The following MGAT4C variants were observed in gnomAD, a reference collection of about 807,000 sequenced individuals.
MGAT4C encodes the protein alpha-1,3-mannosyl-glycoprotein 4-beta-N-acetylglucosaminyltransferase C.
In MGAT4C, 19 loss-of-function variants were observed where a neutral mutation model predicts 40.1. The observed-to-expected ratio is 0.47, with a 90% CI of 0.33 to 0.70. The LOEUF (loss-of-function observed/expected upper bound fraction) is 0.70, where lower values mean the gene tolerates loss of function less well. Among genes scored for constraint, MGAT4C ranks in the 30% least tolerant of loss-of-function variants. The pLI is 0.02. For synonymous variants in MGAT4C, 181 were observed against 187.1 expected, an observed-to-expected ratio of 0.97 and a Z score of 0.27; for missense variants, 491 against 563.2, an observed-to-expected ratio of 0.87 and a Z score of 1.30.
At chr12:86,200,127 G>GTTTTTTTTTTTTTTTTTTTTTTTTTTTGT (rs56844963) in intron 1 of MGAT4C, among the ~76,000 whole-genome samples, 3 of 102,352 alleles carry the variant, frequency 2.9e-5, no homozygotes, top group African/African-American at 9.7e-5. Context: ...GTATGTATTT[G>GTTTTTTTTTTTTTTTTTTTTTTTTTTTGT]TTTTTTTTTT....
intron 1 of MGAT4C, among the ~76,000 whole-genome samples, chr12:86,788,666 G>A (rs1274631060): frequency 2.6e-5 from 4 of 152,092 alleles, no homozygotes; most frequent in Non-Finnish European, 5.9e-5. Flanking sequence ...TTTTCACATA[G>A]GTGTTAGGAG....
rs1327118684 is a variant in MGAT4C at position 86,080,118 on chromosome 12, G to T, written c.-56-30395C>A. On this transcript the variant is annotated intron_variant, in intron 1 of 4. Coordinates refer to ENST00000611864, the MANE Select transcript of MGAT4C (RefSeq NM_001351288.2). ...TGACCCATAGTGCCAGTGCTATGCT[G>T]CCATGCCATCTGTTTATCTCATTTT... 6.6e-5 allele frequency among the ~76,000 whole-genome samples: 10 copies of T among 152,198 alleles called. No individual in the cohort carries two copies. In the East Asian group the frequency reaches 1.9e-3, roughly 29 times the overall value.
Position 85,958,042 on chromosome 12 carries a change from T to C in MGAT4C, c.*21247A>G, listed in dbSNP as rs1166002246. ...TACAGTTTTTCTAAGTGTTTTTGTG[T>C]GTGTGTGTGTGTGTGTGTGTGTGTG... On this transcript the variant is annotated 3_prime_UTR_variant, in exon 5 of 5. Transcript: ENST00000611864. 1 of 70,860 alleles carries C rather than the reference T, an allele frequency of 1.4e-5. No individual in the cohort carries two copies. Among genetic ancestry groups the C allele is most frequent in the Non-Finnish European group, 4.1e-5 (1 of 24,148 alleles). The allele number at this position is 70,860 out of a possible 1,614,324, so 4.4% of individuals were successfully genotyped here. A position where few individuals can be genotyped will look rare whatever the true frequency, so the allele number is the denominator to read the frequency against.
At chr12:86,567,137 T>C (rs1960163856) in intron 2 of MGAT4C, among the ~76,000 whole-genome samples, 1 of 152,126 alleles carries the variant, frequency 6.6e-6, no homozygotes, top group Admixed American at 6.5e-5. Context: ...CAGTATCCAA[T>C]ATATGGTACT....
chr12:86,642,272 C>T (rs1963413232), intron 2 of MGAT4C, among the ~76,000 whole-genome samples: 1 of 151,742 alleles, frequency 6.6e-6, no homozygotes. Context: ...ATTTATCCTG[C>T]TAATATGTTC....
chr12:85,963,122 A>G lies in MGAT4C; in HGVS notation c.*16167T>C, dbSNP rs781228690. ...AAAATAGTTTTGCTTTCTGGTTTAT[A>G]AGGAACTTTTACTAGTTTAATTACT... On this transcript the variant is annotated 3_prime_UTR_variant, in exon 5 of 5. Transcript: ENST00000611864. The G allele has an allele frequency of 6.6e-6, 1 of 151,968 alleles. No individual in the cohort carries two copies. The highest frequency in any genetic ancestry group is 1.5e-5 in the Non-Finnish European group (1 of 67,848). 9.4% of individuals were successfully genotyped at this position (151,968 alleles called of 1,614,324 possible).
intron 1 of MGAT4C, among the ~76,000 whole-genome samples, chr12:86,181,643 T>C (rs1352700783): frequency 5.9e-5 from 9 of 152,170 alleles, no homozygotes; most frequent in Admixed American, 3.9e-4. Flanking sequence ...ACTTCCATTA[T>C]GAAAAACATC....
intron 1 of MGAT4C, among the ~76,000 whole-genome samples, chr12:86,209,600 A>T (rs1381611748): frequency 6.6e-6 from 1 of 152,144 alleles, no homozygotes; most frequent in African/African-American, 2.4e-5. Context: ...TATTTAATCA[A>T]ACTAAACAAG....
At chr12:86,748,073 A>C (rs1035385558) in intron 1 of MGAT4C, among the ~76,000 whole-genome samples, 3 of 151,652 alleles carry the variant, frequency 2.0e-5, no homozygotes, top group African/African-American at 7.2e-5. Flanking sequence ...TCAATTTATC[A>C]GTGGATATCT....
chr12:86,364,945 C>A (rs148493890), intron 3 of MGAT4C, among the ~76,000 whole-genome samples: 1 of 152,264 alleles, frequency 6.6e-6, no homozygotes, highest in African/African-American at 2.4e-5. Context: ...CATGCATTGT[C>A]ATTGATAACA....
At chr12:85,998,117 T>C (rs1391477206) in intron 2 of MGAT4C, among the ~76,000 whole-genome samples, 1 of 152,208 alleles carries the variant, frequency 6.6e-6, no homozygotes, top group Admixed American at 6.5e-5. Flanking sequence ...CAATACCATA[T>C]GGAAGCTGCC....
chr12:86,712,073 T>G (rs1349264088), intron 2 of MGAT4C, among the ~76,000 whole-genome samples: 1 of 152,160 alleles, frequency 6.6e-6, no homozygotes, highest in African/African-American at 2.4e-5. Flanking sequence ...ACCCTTTAGA[T>G]TCTAAATTTG....
intron 3 of MGAT4C, among the ~76,000 whole-genome samples, chr12:86,364,455 T>C (rs981463876): frequency 5.5e-4 from 84 of 152,286 alleles, no homozygotes; most frequent in African/African-American, 2.0e-3. Context: ...CTTTAATCAA[T>C]GTTGAGTTAA....
At chr12:86,184,374 TAA>T (rs748584520) in intron 1 of MGAT4C, among the ~76,000 whole-genome samples, 5 of 138,208 alleles carry the variant, frequency 3.6e-5, no homozygotes, top group Non-Finnish European at 3.2e-5. Flanking sequence ...AGACTCCGTT[TAA>T]AAAAAAAAAA....
chr12:86,781,319 CTTTT>C (rs924957902), intron 1 of MGAT4C, among the ~76,000 whole-genome samples: 1 of 148,312 alleles, frequency 6.7e-6, no homozygotes, highest in African/African-American at 2.5e-5. Flanking sequence ...TCATCAACAA[CTTTT>C]TTTTTTGACT....
chr12:85,973,501 T>C lies in MGAT4C; in HGVS notation c.*5788A>G, dbSNP rs1031196883. Reference sequence around the variant, plus strand: ...AACAACTCTTAAATAAAGTAATGATTCTCTTTATATTAAATTTAATGTATG... The same window carrying C: ...AACAACTCTTAAATAAAGTAATGATCCTCTTTATATTAAATTTAATGTATG... On this transcript the variant is annotated 3_prime_UTR_variant, in exon 5 of 5. Coordinates refer to ENST00000611864, the MANE Select transcript of MGAT4C (RefSeq NM_001351288.2). The C allele has an allele frequency of 6.6e-6, 1 of 150,820 alleles. No individual in the cohort carries two copies. Among genetic ancestry groups the C allele is most frequent in the African/African-American group, 2.4e-5 (1 of 41,322 alleles). 9.3% of individuals were successfully genotyped at this position (150,820 alleles called of 1,614,324 possible).
chr12:86,768,775 C>T (rs1013226363), intron 1 of MGAT4C, among the ~76,000 whole-genome samples: 2 of 152,038 alleles, frequency 1.3e-5, no homozygotes, highest in Non-Finnish European at 2.9e-5. Flanking sequence ...GGAAAGGATT[C>T]CCTATTTAAT....
At chr12:86,291,909 C>T (rs1953527895) in intron 4 of MGAT4C, among the ~76,000 whole-genome samples, 1 of 152,160 alleles carries the variant, frequency 6.6e-6, no homozygotes, top group African/African-American at 2.4e-5. Context: ...ATAACAAAGA[C>T]ACTGCTCTAT....
intron 2 of MGAT4C, among the ~76,000 whole-genome samples, chr12:86,497,446 G>T (rs575984393): frequency 6.6e-6 from 1 of 151,960 alleles, no homozygotes; most frequent in East Asian, 1.9e-4. Context: ...TACTTTTATT[G>T]TGCTCATTGA....
Sources: gnomAD v4.1 joint callset for allele counts (sites outside exome capture counted in the v4.1 genomes callset) on GRCh38, gnomAD v4.1.1 for gene constraint, MANE v1.5 for transcripts, NCBI Gene and HGNC (gene_info 2026-07-23, HGNC 2026-07-21) for gene names.